UST: variants seen among roughly 807,000 people sequenced by gnomAD.
The protein encoded by UST is uronyl 2-sulfotransferase.
UST carries 21 observed loss-of-function variants against 45.6 expected under a neutral mutation model. The ratio of observed to expected loss-of-function variants is 0.46; its 90% CI spans 0.33 to 0.66. The LOEUF (loss-of-function observed/expected upper bound fraction) is 0.66. UST is among the 30% of genes least tolerant of loss of function. The probability of loss-of-function intolerance (pLI) is 0.02; values close to 1 mark genes in which losing one functional copy is unlikely to be tolerated. For missense variants in UST, 463 were observed against 512.4 expected (o/e 0.90, Z 0.93); for synonymous variants, 215 against 200.6 (o/e 1.07, Z -0.61).
intron 2 of UST, among the ~76,000 whole-genome samples, chr6:148,901,391 A>G (rs1454992772): frequency 6.6e-6 from 1 of 152,148 alleles, no homozygotes; most frequent in Non-Finnish European, 1.5e-5. Context: ...TCTTGCTTGT[A>G]TAAGAAATAG....
intron 5 of UST, among the ~76,000 whole-genome samples, chr6:148,973,774 G>T (rs181518037): frequency 1.1e-4 from 16 of 152,252 alleles, no homozygotes; most frequent in Non-Finnish European, 2.2e-4. Context: ...ATCTCCAAAC[G>T]TGTTCTTCAA....
intron 7 of UST, among the ~76,000 whole-genome samples, chr6:149,049,923 T>TCACACACACACACACACACACACACA (rs1165179256): frequency 9.7e-6 from 1 of 102,884 alleles, no homozygotes; most frequent in African/African-American, 3.4e-5. Context: ...TCTCTCTCTC[T>TCACACACACACACACACACACACACA]CTCTCTCTCA....
chr6:148,925,906 A>G (rs1779805197), intron 2 of UST, among the ~76,000 whole-genome samples: 1 of 152,228 alleles, frequency 6.6e-6, no homozygotes, highest in Admixed American at 6.5e-5. Flanking sequence ...TTTTAAGTAG[A>G]CCACATACAT....
intron 5 of UST, among the ~76,000 whole-genome samples, chr6:148,981,516 C>A (rs1781133710): frequency 6.6e-6 from 1 of 152,200 alleles, no homozygotes; most frequent in African/African-American, 2.4e-5. Context: ...CATCCCATTG[C>A]CTCCGTGGAG....
At chr6:148,871,117 C>CCTCTCTTTCTCTCTCT (rs1778544076) in intron 1 of UST, among the ~76,000 whole-genome samples, 10 of 97,586 alleles carry the variant, frequency 1.0e-4, no homozygotes, top group African/African-American at 4.6e-4. Flanking sequence ...GCATTCTCTC[C>CCTCTCTTTCTCTCTCT]CTCTCTCTCT....
At chr6:148,824,399 C>T (rs2114748468) in intron 1 of UST, among the ~76,000 whole-genome samples, 2 of 152,280 alleles carry the variant, frequency 1.3e-5, no homozygotes. Flanking sequence ...AAGCTCAGAG[C>T]CAATGTACAG....
intron 4 of UST, among the ~76,000 whole-genome samples, chr6:148,957,519 T>C (rs1964567): frequency 0.29 from 44,017 of 152,036 alleles, 6,765 homozygotes; most frequent in African/African-American, 0.38. Context: ...CTCAGCTCAC[T>C]GTAACCTCAG....
intron 7 of UST, among the ~76,000 whole-genome samples, chr6:149,044,230 T>C (rs929141864): frequency 1.3e-5 from 2 of 152,194 alleles, no homozygotes; most frequent in Non-Finnish European, 2.9e-5. Flanking sequence ...TGCTAAACAT[T>C]TCCCTCTGTT....
intron 7 of UST, among the ~76,000 whole-genome samples, chr6:149,061,084 T>C (rs1484599978): frequency 6.6e-6 from 1 of 151,990 alleles, no homozygotes; most frequent in African/African-American, 2.4e-5. Flanking sequence ...CAAAATACAC[T>C]GCAAGTTGGT....
At chr6:149,056,355 C>T (rs1776566812) in intron 7 of UST, among the ~76,000 whole-genome samples, 1 of 152,054 alleles carries the variant, frequency 6.6e-6, no homozygotes, top group Non-Finnish European at 1.5e-5. Context: ...TGATCCACCA[C>T]CTTGGCCTCT....
intron 5 of UST, among the ~76,000 whole-genome samples, chr6:148,984,898 A>T (rs1433866496): frequency 7.2e-5 from 11 of 152,238 alleles, no homozygotes; most frequent in Non-Finnish European, 4.4e-5. Flanking sequence ...TTGTCATGGT[A>T]CATGAGACCA....
At chr6:148,920,235 C>T (rs1287708123) in intron 2 of UST, among the ~76,000 whole-genome samples, 3 of 151,926 alleles carry the variant, frequency 2.0e-5, no homozygotes, top group Non-Finnish European at 4.4e-5. Context: ...CATTTAAATA[C>T]ATGGTAGATT....
intron 1 of UST, among the ~76,000 whole-genome samples, chr6:148,885,128 C>T (rs762786648): frequency 7.2e-5 from 11 of 152,086 alleles, no homozygotes; most frequent in African/African-American, 7.2e-5. Context: ...GCATTTAAAT[C>T]GTTCTTTTTT....
At chr6:148,909,097 C>T (rs34595552) in intron 2 of UST, among the ~76,000 whole-genome samples, 16,376 of 152,148 alleles carry the variant, frequency 0.11, 1,059 homozygotes, top group Middle Eastern at 0.15. Context: ...TTGTATTATG[C>T]TACATTTCAC....
intron 1 of UST, among the ~76,000 whole-genome samples, chr6:148,867,661 C>T (rs932280145): frequency 6.6e-6 from 1 of 152,138 alleles, no homozygotes. Flanking sequence ...CTCTCATGCT[C>T]TCATCTGCCA....
chr6:148,954,267 T>C (rs9498182), intron 4 of UST, among the ~76,000 whole-genome samples: 10,416 of 152,280 alleles, frequency 0.068, 490 homozygotes, highest in Non-Finnish European at 0.1. Context: ...TATTTTAGCA[T>C]AAATATTTTA....
At chr6:148,894,377 G>A (rs946166391) in intron 2 of UST, among the ~76,000 whole-genome samples, 3 of 152,228 alleles carry the variant, frequency 2.0e-5, no homozygotes, top group Non-Finnish European at 2.9e-5. Flanking sequence ...AATGATTGAT[G>A]TCTGTATAAG....
intron 7 of UST, among the ~76,000 whole-genome samples, chr6:149,022,498 G>A (rs543196761): frequency 9.9e-5 from 15 of 152,278 alleles, no homozygotes; most frequent in African/African-American, 3.1e-4. Flanking sequence ...TACTCGGGAG[G>A]CTGAGGCAGG....
chr6:148,819,310 T>A (rs1486533491), intron 1 of UST, among the ~76,000 whole-genome samples: 2 of 152,212 alleles, frequency 1.3e-5, no homozygotes, highest in Non-Finnish European at 2.9e-5. Flanking sequence ...TGTGGGTTCT[T>A]GATTTATGCT....
Sources: allele counts gnomAD v4.1 joint callset (sites outside exome capture counted in the v4.1 genomes callset), GRCh38; gene constraint gnomAD v4.1.1; transcripts MANE v1.5; gene names NCBI Gene and HGNC (gene_info 2026-07-23, HGNC 2026-07-21).